Variants in DIP2C observed in about 807,000 individuals in gnomAD.
DIP2C encodes DIP2 acetate--CoA ligase C (putative), also known as disco-interacting protein 2 homolog C.
A neutral mutation model predicts 192.4 loss-of-function variants in DIP2C; 33 were observed. The ratio of observed to expected loss-of-function variants is 0.17; its 90% CI spans 0.13 to 0.23. The LOEUF (loss-of-function observed/expected upper bound fraction) is 0.23. DIP2C is among the 10% of genes least tolerant of loss of function. The probability of loss-of-function intolerance (pLI) is 1.00; values close to 1 mark genes in which losing one functional copy is unlikely to be tolerated. For missense variants in DIP2C, 1,537 were observed against 2,110.1 expected (o/e 0.73, Z 5.32); for synonymous variants, 979 against 864.1 (o/e 1.13, Z -2.33).
At chr10:441,792 G>A (rs1045193791) in intron 3 of DIP2C, among the ~76,000 whole-genome samples, 2 of 152,080 alleles carry the variant, frequency 1.3e-5, no homozygotes, top group Non-Finnish European at 2.9e-5. Flanking sequence ...CCATTAACAC[G>A]CTTTGTGGCT....
Position 275,368 on chromosome 10 carries a change from T to C in DIP2C, c.*1957A>G, listed in dbSNP as rs890779134. ...TGCATCTGAAGCATGTGGAGAAATA[T>C]TCACACACAGCAATGAGGTCAAACA... On this transcript the variant is annotated 3_prime_UTR_variant, in exon 37 of 37. Coordinates refer to ENST00000280886, the MANE Select transcript of DIP2C (RefSeq NM_014974.3). 2 of 152,086 alleles carry C rather than the reference T, an allele frequency of 1.3e-5. No homozygotes were observed. Among genetic ancestry groups the C allele is most frequent in the South Asian group, 4.1e-4 (2 of 4,820 alleles). The allele number at this position is 152,086 out of a possible 1,614,324, so 9.4% of individuals were successfully genotyped here.
intron 1 of DIP2C, among the ~76,000 whole-genome samples, chr10:679,194 A>G (rs1164861057): frequency 5.4e-5 from 1 of 18,582 alleles, no homozygotes; most frequent in Admixed American, 7.1e-4. Context: ...CCCCACACCC[A>G]GGCTCCCCGC....
rs1239855333 is a variant in DIP2C at position 363,183 on chromosome 10, C to T, written c.2592+14G>A. On this transcript the variant is annotated intron_variant, in intron 21 of 36. Transcript: ENST00000280886. The surrounding 1 kb of genome is among the most constrained non-coding windows in gnomAD (Gnocchi z 5.4). ...AGACACAGGGGACCAGTGCCCAGGG[C>T]GAGGGAGGGCAACCTGCAGCACACG... is the stretch of plus-strand genomic sequence containing the variant. 1.6e-5 allele frequency: 26 copies of T among 1,608,058 alleles called. No individual in the cohort carries two copies. Among genetic ancestry groups the T allele is most frequent in the Middle Eastern group, 1.7e-4 (1 of 6,044 alleles).
chr10:343,570 AAAT>A (rs1327012188), intron 28 of DIP2C, among the ~76,000 whole-genome samples: 1 of 152,240 alleles, frequency 6.6e-6, no homozygotes, highest in Admixed American at 6.5e-5. Context: ...TGTAAAATGT[AAAT>A]AATTCTTTTT....
At chr10:685,702 C>T (rs1261089178) in intron 1 of DIP2C, among the ~76,000 whole-genome samples, 3 of 152,112 alleles carry the variant, frequency 2.0e-5, no homozygotes, top group Non-Finnish European at 4.4e-5. Flanking sequence ...TGGCTCATGC[C>T]TGTAATCCCA....
chr10:619,541 G>GCCCGCCCTCCCTCCCA, intron 1 of DIP2C, among the ~76,000 whole-genome samples: 1 of 67,896 alleles, frequency 1.5e-5, no homozygotes, highest in African/African-American at 3.5e-5. Context: ...CCGCCCGCCC[G>GCCCGCCCTCCCTCCCA]CCCTCCCACC....
At chr10:342,852 T>A (rs555623872) in intron 28 of DIP2C, among the ~76,000 whole-genome samples, 53 of 152,240 alleles carry the variant, frequency 3.5e-4, no homozygotes, top group Non-Finnish European at 2.8e-4. Flanking sequence ...CCCCCTACAG[T>A]CTGTGTGTAA....
intron 31 of DIP2C, among the ~76,000 whole-genome samples, chr10:315,197 G>A (rs1956724973): frequency 6.6e-6 from 1 of 152,296 alleles, no homozygotes; most frequent in Admixed American, 6.5e-5. Context: ...TCCTACACAT[G>A]CTACGAACAC....
At chr10:637,701 GT>G (rs1012230113) in intron 1 of DIP2C, among the ~76,000 whole-genome samples, 178 of 152,256 alleles carry the variant, frequency 1.2e-3, no homozygotes, top group African/African-American at 3.3e-3. Context: ...ATTTAATTTT[GT>G]TTAAAGGCAT....
chr10:544,623 C>CA (rs1848182238), intron 1 of DIP2C, among the ~76,000 whole-genome samples: 1 of 152,214 alleles, frequency 6.6e-6, no homozygotes, highest in Admixed American at 6.5e-5. Context: ...GGGTTTTACC[C>CA]ATCCCAGTGG....
intron 17 of DIP2C, 102 bp from the exon 18 acceptor site, chr10:369,735 A>G: frequency 6.3e-7 from 1 of 1,584,102 alleles, no homozygotes; most frequent in Non-Finnish European, 8.6e-7. Flanking sequence ...ACCTCTGGGC[A>G]CAGTGCTGGC....
At chr10:605,606 G>A (rs1479681201) in intron 1 of DIP2C, among the ~76,000 whole-genome samples, 1 of 152,018 alleles carries the variant, frequency 6.6e-6, no homozygotes, top group Non-Finnish European at 1.5e-5. Context: ...AGCAAACCAG[G>A]GCCCCAATAT....
At chr10:285,248 C>T (rs937132869) in intron 34 of DIP2C, among the ~76,000 whole-genome samples, 8 of 151,832 alleles carry the variant, frequency 5.3e-5, no homozygotes, top group South Asian at 4.1e-4. Flanking sequence ...TGTTCACCCA[C>T]GTGCGTGTAG....
At chr10:535,744 T>C (rs1017268268) in intron 1 of DIP2C, among the ~76,000 whole-genome samples, 6 of 152,220 alleles carry the variant, frequency 3.9e-5, no homozygotes, top group Admixed American at 1.3e-4. Context: ...CACTCAAATC[T>C]TTTATGTCAA....
intron 1 of DIP2C, among the ~76,000 whole-genome samples, chr10:532,002 C>CG (rs1847401329): frequency 6.6e-6 from 1 of 152,320 alleles, no homozygotes; most frequent in East Asian, 1.9e-4. Context: ...CAAAATACTT[C>CG]GCCCAGAACC....
chr10:617,256 T>C (rs1853533452), intron 1 of DIP2C, among the ~76,000 whole-genome samples: 2 of 140,080 alleles, frequency 1.4e-5, no homozygotes, highest in Non-Finnish European at 3.0e-5. Context: ...CTCTACAAAC[T>C]TGGGGGACTG....
At chr10:376,146 T>C (rs756354793) in intron 17 of DIP2C, among the ~76,000 whole-genome samples, 1 of 152,252 alleles carries the variant, frequency 6.6e-6, no homozygotes, top group Non-Finnish European at 1.5e-5. Context: ...CGTAGCTAAC[T>C]GCTGTGATTC....
Position 286,315 on chromosome 10 carries a change from G to A in DIP2C, c.4077C>T (p.Asn1359=), listed in dbSNP as rs1357325372. The change falls in exon 34 of 37, where the codon AAC becomes AAT. Residue 1359 remains asparagine (N), a synonymous_variant. Transcript: ENST00000280886. ...CCCCCAGCGGTCCTTTTGTTTCTGG[G>A]TTGGCAATTATAATCCGAACCCCTG... ...ILPGVRIIIA[N]PETKGPLGDS... 8 of 1,614,156 alleles carry A rather than the reference G, an allele frequency of 5.0e-6. No individual in the cohort carries two copies. Among genetic ancestry groups the A allele is most frequent in the Non-Finnish European group, 6.8e-6 (8 of 1,180,016 alleles).
chr10:680,791 G>C lies in DIP2C; in HGVS notation c.85+8703C>G, dbSNP rs112491212. Among the ~76,000 whole-genome samples the C allele has an allele frequency of 3.9e-5, 6 of 152,232 alleles. No homozygotes were observed. The East Asian group carries it at 1.2e-3, about 29-fold the overall frequency. On this transcript the variant is annotated intron_variant, in intron 1 of 36. Coordinates refer to ENST00000280886, the MANE Select transcript of DIP2C (RefSeq NM_014974.3). ...GGGAGTGGTAAAGTCAAGAACTGCC[G>C]CTCTGTGTCAGGCGAGGGAGTAATA... is the stretch of plus-strand genomic sequence containing the variant.
Sources: allele counts gnomAD v4.1 joint callset (sites outside exome capture counted in the v4.1 genomes callset), GRCh38; gene constraint gnomAD v4.1.1; non-coding constraint Gnocchi (gnomAD v3.1); transcripts MANE v1.5; gene names NCBI Gene and HGNC (gene_info 2026-07-23, HGNC 2026-07-21).